Variants in LINGO2 observed in about 807,000 individuals in gnomAD.
LINGO2 encodes leucine rich repeat and Ig domain containing 2.
LINGO2 carries 14 observed loss-of-function variants against 30.6 expected under a neutral mutation model. The observed-to-expected ratio is 0.46, with a 90% CI of 0.30 to 0.72. The LOEUF (loss-of-function observed/expected upper bound fraction) is 0.72. LINGO2 is among the 30% of genes least tolerant of loss of function. The pLI is 0.07. For synonymous variants in LINGO2, 317 were observed against 288.5 expected (o/e 1.10, Z -1.00); for missense variants, 729 against 751.7 (o/e 0.97, Z 0.35).
intron 5 of LINGO2, among the ~76,000 whole-genome samples, chr9:28,002,265 AT>A (rs60874187): frequency 0.32 from 47,364 of 149,676 alleles, 7,758 homozygotes; most frequent in East Asian, 0.45. Flanking sequence ...CCTTCCCTCC[AT>A]TTTTTTTTTG....
At chr9:27,976,690 C>A (rs1345482689) in intron 5 of LINGO2, among the ~76,000 whole-genome samples, 2 of 151,988 alleles carry the variant, frequency 1.3e-5, no homozygotes, top group East Asian at 1.9e-4. Flanking sequence ...CTATACCATA[C>A]GGCCTAATAT....
the LINGO2 span, among the ~76,000 whole-genome samples, chr9:29,159,719 A>G: frequency 6.6e-6 from 1 of 151,380 alleles, no homozygotes; most frequent in East Asian, 2.0e-4. Context: ...TTAGCAGGGT[A>G]TGGTGGTGGG....
chr9:28,310,245 T>C (rs568829900), intron 3 of LINGO2, among the ~76,000 whole-genome samples: 1 of 152,184 alleles, frequency 6.6e-6, no homozygotes, highest in Non-Finnish European at 1.5e-5. Flanking sequence ...CAGTCGTTCC[T>C]AGAAACTTTT....
intron 1 of LINGO2, among the ~76,000 whole-genome samples, chr9:28,507,753 G>A (rs1820211186): frequency 6.6e-6 from 1 of 151,978 alleles, no homozygotes; most frequent in Non-Finnish European, 1.5e-5. Context: ...GAGAGCAAAA[G>A]GCTTTCATGT....
At chr9:28,774,467 A>C in the LINGO2 span, among the ~76,000 whole-genome samples, 1 of 152,184 alleles carries the variant, frequency 6.6e-6, no homozygotes, top group African/African-American at 2.4e-5. Flanking sequence ...CCATGCCTAT[A>C]CACATTTCAC....
chr9:29,090,720 G>T, the LINGO2 span, among the ~76,000 whole-genome samples: 2 of 151,804 alleles, frequency 1.3e-5, no homozygotes, highest in African/African-American at 4.8e-5. Context: ...GGGGAGAAAT[G>T]GGTAATTATA....
At chr9:27,947,341 T>G (rs1329734643), downstream of LINGO2, among the ~76,000 whole-genome samples, 1 of 152,132 alleles carries the variant, frequency 6.6e-6, no homozygotes, top group Non-Finnish European at 1.5e-5. Flanking sequence ...GTAACAGTCA[T>G]TAATACAAAC....
chr9:28,349,256 A>G (rs2134432664), intron 3 of LINGO2, among the ~76,000 whole-genome samples: 2 of 150,560 alleles, frequency 1.3e-5, no homozygotes, highest in Middle Eastern at 3.5e-3. Context: ...TTTGAAAAAA[A>G]TTTAGAAGAA....
chr9:28,019,319 G>GTT (rs3064662), intron 4 of LINGO2, among the ~76,000 whole-genome samples: 108,065 of 141,992 alleles, frequency 0.76, 41,144 homozygotes, highest in Non-Finnish European at 0.86. Context: ...GGGAATATAT[G>GTT]TTTTTTTTTT....
At chr9:29,189,241 T>G in the LINGO2 span, among the ~76,000 whole-genome samples, 4 of 146,802 alleles carry the variant, frequency 2.7e-5, no homozygotes, top group Non-Finnish European at 6.0e-5. Context: ...GCCCCTCACC[T>G]CCCGGACGGG....
the LINGO2 span, among the ~76,000 whole-genome samples, chr9:29,127,592 G>A: frequency 6.6e-6 from 1 of 152,132 alleles, no homozygotes; most frequent in African/African-American, 2.4e-5. Context: ...TCATCATCAG[G>A]TTCGGGTGAG....
At chr9:28,891,142 C>T in the LINGO2 span, among the ~76,000 whole-genome samples, 1 of 151,678 alleles carries the variant, frequency 6.6e-6, no homozygotes, top group Non-Finnish European at 1.5e-5. Flanking sequence ...TGGTGCAAAC[C>T]AAGAAACAGA....
intron 4 of LINGO2, among the ~76,000 whole-genome samples, chr9:28,256,184 A>G (rs1181463661): frequency 1.3e-5 from 2 of 151,926 alleles, no homozygotes; most frequent in Middle Eastern, 3.4e-3. Flanking sequence ...AGCGGCCCTC[A>G]CCCCTTGCTT....
At chr9:29,102,173 C>T in the LINGO2 span, among the ~76,000 whole-genome samples, 2 of 151,894 alleles carry the variant, frequency 1.3e-5, no homozygotes, top group African/African-American at 2.4e-5. Flanking sequence ...GCTCCGCCTC[C>T]GGGGTTCACG....
the LINGO2 span, among the ~76,000 whole-genome samples, chr9:29,121,450 C>T: frequency 1.3e-5 from 2 of 152,022 alleles, no homozygotes; most frequent in African/African-American, 4.8e-5. Flanking sequence ...TATACCAAAG[C>T]AAACATTCAC....
chr9:28,101,524 A>G (rs931806573), intron 4 of LINGO2, among the ~76,000 whole-genome samples: 1 of 152,200 alleles, frequency 6.6e-6, no homozygotes, highest in Non-Finnish European at 1.5e-5. Context: ...AGAGTAAATT[A>G]GAACAACTTT....
At chr9:27,967,040 ATTACCTGGTT>A in intron 5 of LINGO2, among the ~76,000 whole-genome samples, 1 of 152,108 alleles carries the variant, frequency 6.6e-6, no homozygotes. Context: ...CTCTCTGGAG[ATTACCTGGTT>A]TTAATTAGTT....
chr9:28,090,558 C>T (rs538991205), intron 4 of LINGO2, among the ~76,000 whole-genome samples: 19 of 152,188 alleles, frequency 1.2e-4, no homozygotes, highest in South Asian at 2.1e-4. Context: ...ATTGATGGGA[C>T]GTATCACAAA....
chr9:28,688,533 G>A, the LINGO2 span, among the ~76,000 whole-genome samples: 1 of 152,076 alleles, frequency 6.6e-6, no homozygotes, highest in Non-Finnish European at 1.5e-5. Flanking sequence ...ACTACTTCAG[G>A]TGACATGGTT....
Sources: allele counts gnomAD v4.1 joint callset (sites outside exome capture counted in the v4.1 genomes callset), GRCh38; gene constraint gnomAD v4.1.1; transcripts MANE v1.5; gene names NCBI Gene and HGNC (gene_info 2026-07-23, HGNC 2026-07-21).